The following RBFOX1 variants were observed in gnomAD, a reference collection of about 807,000 sequenced individuals.
The protein encoded by RBFOX1 is RNA binding protein fox-1 homolog 1.
A neutral mutation model predicts 57.7 loss-of-function variants in RBFOX1; 8 were observed. The observed-to-expected ratio is 0.14, with a 90% CI of 0.08 to 0.25. RBFOX1 has a LOEUF of 0.25. Ranked by LOEUF, RBFOX1 falls within the 10% of genes least tolerant of loss-of-function variation. The pLI, the probability that RBFOX1 is intolerant of heterozygous loss-of-function variation, is 1.00. For missense variants in RBFOX1, 611 were observed against 548.5 expected, an observed-to-expected ratio of 1.11 and a Z score of -1.14; for synonymous variants, 326 against 222.4, an observed-to-expected ratio of 1.47 and a Z score of -4.15.
chr16:6,593,095 G>A (rs1041815251), intron 2 of RBFOX1, among the ~76,000 whole-genome samples: 2 of 152,302 alleles, frequency 1.3e-5, no homozygotes, highest in African/African-American at 2.4e-5. Flanking sequence ...GGGATGCTGA[G>A]GCAGGAGAAT....
At chr16:5,325,641 A>G (rs11076911) in intron 1 of RBFOX1, among the ~76,000 whole-genome samples, 118,500 of 152,108 alleles carry the variant, frequency 0.78, 48,470 homozygotes, top group South Asian at 0.9. Flanking sequence ...TTGTCCCTAT[A>G]GTTTTGTTTT....
At chr16:6,630,536 C>A (rs2098371350) in intron 2 of RBFOX1, among the ~76,000 whole-genome samples, 1 of 152,076 alleles carries the variant, frequency 6.6e-6, no homozygotes, top group Admixed American at 6.6e-5. Context: ...ATGAGGTAAG[C>A]ACTATTCATA....
At chr16:5,630,277 TG>T (rs2048465497) in intron 3 of RBFOX1, among the ~76,000 whole-genome samples, 1 of 152,000 alleles carries the variant, frequency 6.6e-6, no homozygotes, top group African/African-American at 2.4e-5. Flanking sequence ...GGCAACATGG[TG>T]AAACCCTGTG....
chr16:6,722,379 C>T (rs542034144), intron 3 of RBFOX1, among the ~76,000 whole-genome samples: 2 of 152,276 alleles, frequency 1.3e-5, no homozygotes, highest in East Asian at 3.9e-4. Context: ...GGAGGTTGCT[C>T]TAAGTCATCT....
intron 3 of RBFOX1, among the ~76,000 whole-genome samples, chr16:5,666,305 T>G (rs866971444): frequency 3.3e-5 from 5 of 152,340 alleles, no homozygotes; most frequent in South Asian, 4.1e-4. Flanking sequence ...TCTTCTTTTC[T>G]TCAACATTGG....
chr16:6,750,660 A>G (rs2074753075), intron 3 of RBFOX1, among the ~76,000 whole-genome samples: 1 of 152,210 alleles, frequency 6.6e-6, no homozygotes, highest in South Asian at 2.1e-4. Context: ...TTATGCTGGG[A>G]CAGGGGTGTT....
chr16:6,215,949 C>T (rs189350915), intron 1 of RBFOX1, among the ~76,000 whole-genome samples: 16 of 152,112 alleles, frequency 1.1e-4, no homozygotes, highest in African/African-American at 3.4e-4. Flanking sequence ...AGATCACAGC[C>T]GTAAAAAGAA....
intron 2 of RBFOX1, among the ~76,000 whole-genome samples, chr16:6,520,654 C>A (rs890728154): frequency 1.3e-5 from 2 of 152,148 alleles, no homozygotes; most frequent in Admixed American, 1.3e-4. Flanking sequence ...TTGAAAAGGG[C>A]AGGACCCAGG....
chr16:7,360,725 G>C (rs2097304436), intron 4 of RBFOX1, among the ~76,000 whole-genome samples: 1 of 152,166 alleles, frequency 6.6e-6, no homozygotes, highest in African/African-American at 2.4e-5. Context: ...TCAACACACA[G>C]CCAATGTCCC....
At chr16:6,381,356 G>A (rs1008875449) in intron 2 of RBFOX1, among the ~76,000 whole-genome samples, 4 of 152,028 alleles carry the variant, frequency 2.6e-5, no homozygotes, top group South Asian at 2.1e-4. Context: ...GCGATCTCCA[G>A]TGTCTATTAT....
At chr16:6,372,708 T>C (rs1356548912) in intron 2 of RBFOX1, among the ~76,000 whole-genome samples, 2 of 151,502 alleles carry the variant, frequency 1.3e-5, no homozygotes, top group African/African-American at 4.9e-5. Flanking sequence ...AGGAGGATAG[T>C]TGGGTGGAAT....
Position 7,517,240 on chromosome 16 carries a change from T to C in RBFOX1, c.28-907T>C, listed in dbSNP as rs989116452. 2.0e-5 allele frequency among the ~76,000 whole-genome samples: 3 copies of C among 150,964 alleles called. No individual in the cohort carries two copies. In the Admixed American group the frequency reaches 2.0e-4, roughly 10 times the overall value. ...AAAGAGAGAGAGCTGTTTCCTGAAA[T>C]GGAAGCATTTGTATTCAGGTTTTTG... is the stretch of plus-strand genomic sequence containing the variant. On this transcript the variant is annotated intron_variant, in intron 4 of 15. Transcript: ENST00000550418.
chr16:7,464,148 A>T (rs2060066551), intron 4 of RBFOX1, among the ~76,000 whole-genome samples: 1 of 152,132 alleles, frequency 6.6e-6, no homozygotes, highest in Admixed American at 6.5e-5. Flanking sequence ...TGATTTCCTT[A>T]AGATAGGGTT....
In RBFOX1 at chr16:5,454,932, T is replaced by C. The variant is rs1273411654; in HGVS notation, c.220-12284T>C. Among the ~76,000 whole-genome samples the C allele has an allele frequency of 4.7e-5, 3 of 64,230 alleles. No individual in the cohort carries two copies. The East Asian group carries it at 1.5e-3, about 32-fold the overall frequency. 42.1% of individuals were successfully genotyped at this position (64,230 alleles called of 152,430 possible). ...TTTCTTTCCTTTGTTTCTTTCTTCCTTCCTTCCTTCCTTCCTTCCTTCCTT... is the reference window on the plus strand; with the variant it reads ...TTTCTTTCCTTTGTTTCTTTCTTCCCTCCTTCCTTCCTTCCTTCCTTCCTT... On this transcript the variant is annotated intron_variant, in intron 1 of 2. Coordinates refer to the RBFOX1 transcript ENST00000585867.
intron 4 of RBFOX1, among the ~76,000 whole-genome samples, chr16:7,218,804 G>T (rs929582508): frequency 6.6e-6 from 1 of 151,840 alleles, no homozygotes; most frequent in African/African-American, 2.4e-5. Flanking sequence ...ATGCAATCAG[G>T]AACCTGTCTA....
At chr16:7,632,481 C>T (rs1390391020) in intron 11 of RBFOX1, among the ~76,000 whole-genome samples, 1 of 152,212 alleles carries the variant, frequency 6.6e-6, no homozygotes, top group East Asian at 1.9e-4. Context: ...TGCTTTACAA[C>T]TGAGGAAATG....
intron 14 of RBFOX1, among the ~76,000 whole-genome samples, chr16:7,685,674 T>C (rs552904781): frequency 2.0e-5 from 3 of 152,102 alleles, no homozygotes; most frequent in South Asian, 4.1e-4. Context: ...AGTGAATATA[T>C]AGAGGCAGTA....
At chr16:6,229,728 T>A (rs1053011050) in intron 1 of RBFOX1, among the ~76,000 whole-genome samples, 16 of 152,114 alleles carry the variant, frequency 1.1e-4, no homozygotes, top group African/African-American at 3.9e-4. Flanking sequence ...AAAATAAGAT[T>A]TTCTTTGCTT....
At chr16:7,012,702 C>T (rs975663698) in intron 3 of RBFOX1, among the ~76,000 whole-genome samples, 1 of 152,104 alleles carries the variant, frequency 6.6e-6, no homozygotes, top group Non-Finnish European at 1.5e-5. Context: ...AAAGGGAGGC[C>T]AGAGTGACTT....
Sources: gnomAD v4.1 joint callset for allele counts (sites outside exome capture counted in the v4.1 genomes callset) on GRCh38, gnomAD v4.1.1 for gene constraint, MANE v1.5 for transcripts, NCBI Gene and HGNC (gene_info 2026-07-23, HGNC 2026-07-21) for gene names.